E4F1: variants seen among roughly 807,000 people sequenced by gnomAD.
E4F1 encodes the protein transcription factor E4F1.
A neutral mutation model predicts 72.9 loss-of-function variants in E4F1; 30 were observed. That is an observed-to-expected ratio of 0.41 (90% confidence interval 0.31 to 0.56). The LOEUF is 0.56. Ranked by LOEUF, E4F1 falls within the 20% of genes least tolerant of loss-of-function variation. The pLI is 0.25. For synonymous variants in E4F1, 542 were observed against 478.2 expected (o/e 1.13, Z -1.74); for missense variants, 1,091 against 1,117.5 (o/e 0.98, Z 0.34).
In E4F1 at chr16:2,232,480, G is replaced by T. The variant is rs148570427; in HGVS notation, c.634G>T (p.Val212Phe). The stretch of plus-strand genomic sequence containing the variant: ...GGGCAGCATCCTCAAGGCCCACATG[G>T]TCACTCACAGCAGCCGCAAGGACCA... ...KTGSILKAHMVTHSSRKDHEC... is the reference protein window; with the variant it reads ...KTGSILKAHMFTHSSRKDHEC... The change falls in exon 5 of 14, where the codon GTC becomes TTC. Residue 212 changes from valine to phenylalanine, a missense_variant. Transcript: ENST00000301727. 29 of 1,610,952 alleles carry T rather than the reference G, an allele frequency of 1.8e-5. No individual in the cohort carries two copies. The highest frequency in any genetic ancestry group is 2.5e-5 in the Non-Finnish European group (29 of 1,179,276).
Position 2,235,654 on chromosome 16 carries a change from G to C in E4F1, c.*82G>C. 7.8e-7 allele frequency: 1 copy of C among 1,279,724 alleles called. No homozygotes were observed. Among genetic ancestry groups the C allele is most frequent in the Non-Finnish European group, 1.1e-6 (1 of 942,968 alleles). 79.3% of individuals were successfully genotyped at this position (1,279,724 alleles called of 1,614,324 possible). On this transcript the variant is annotated 3_prime_UTR_variant, in exon 14 of 14. Transcript: ENST00000301727. Reference sequence around the variant, plus strand: ...CCACCCATGCCTGCCTGGCCTGGTAGAGAAGATGGCACAGGATGGAGGCGC... The same window carrying C: ...CCACCCATGCCTGCCTGGCCTGGTACAGAAGATGGCACAGGATGGAGGCGC...
rs2093455069 is a variant in E4F1 at position 2,229,691 on chromosome 16, T to G, written c.415+16T>G. 1 of 1,611,784 alleles carries G rather than the reference T, an allele frequency of 6.2e-7. No individual in the cohort carries two copies. Among genetic ancestry groups the G allele is most frequent in the African/African-American group, 1.3e-5 (1 of 74,928 alleles). ...GACCTTGTTGGTAAGCCGACTTCCA[T>G]GAATCGCTGGCCTGATAGACCTTCG... On this transcript the variant is annotated intron_variant, in intron 3 of 13. Transcript: ENST00000301727.
At position 2,230,069 on chromosome 16, in the gene E4F1, G is replaced by A. The variant is rs1294992726; in HGVS notation, c.415+394G>A. 1.5e-5 allele frequency: 4 copies of A among 268,650 alleles called. No homozygotes were observed. In the Admixed American group the frequency reaches 1.7e-4, roughly 11 times the overall value. The allele number at this position is 268,650 out of a possible 1,614,324, so 16.6% of individuals were successfully genotyped here. ...CAGAATGGCCCACTCGCCCAGCAGC[G>A]GCTCTGGAGGGTGGGTACAGGGTGG... On this transcript the variant is annotated intron_variant, in intron 3 of 13. Transcript: ENST00000301727.
intron 3 of E4F1, chr16:2,231,962 G>A: frequency 1.6e-6 from 1 of 613,188 alleles, no homozygotes; most frequent in African/African-American, 1.9e-5. Flanking sequence ...CAGCCTGACA[G>A]AGTCGGGAGG....
Position 2,233,619 on chromosome 16 carries a change from C to T in E4F1, c.1238C>T (p.Pro413Leu), listed in dbSNP as rs1373282010. ...CTGGCAGTGGCAGCCCCGCAGCTGCCGGTACTGGAAGTGCAGCCGCTGGAG... is the reference window on the plus strand; with the variant it reads ...CTGGCAGTGGCAGCCCCGCAGCTGCTGGTACTGGAAGTGCAGCCGCTGGAG... ...QPLAVAAPQL[P>L]VLEVQPLETQ... Residue 413 changes from proline to leucine, a missense_variant, in exon 8 of 14, where the codon CCG becomes CTG. This residue lies in a region of E4F1 where 622 missense variants were observed against 628.0 expected (regional missense o/e 0.99). Transcript: ENST00000301727. 6 of 1,515,494 alleles carry T rather than the reference C, an allele frequency of 4.0e-6. No individual in the cohort carries two copies. The highest frequency in any genetic ancestry group is 5.3e-6 in the Non-Finnish European group (6 of 1,130,816). The allele number at this position is 1,515,494 out of a possible 1,614,324, so 93.9% of individuals were successfully genotyped here. A position where few individuals can be genotyped will look rare whatever the true frequency, so the allele number is the denominator to read the frequency against.
Position 2,232,179 on chromosome 16 carries a change from C to T in E4F1, c.424C>T (p.His142Tyr). The stretch of plus-strand genomic sequence containing the variant: ...CCAGATGCTTCTCCTAGGTGGTGGG[C>T]ACATCAAAGAGGTCATCGTGGCTGC... The part of the protein sequence containing the change: ...SHASDLVGGG[H>Y]IKEVIVAAEA... Residue 142 changes from histidine (H) to tyrosine (Y), a missense_variant, in exon 4 of 14, where the codon CAC becomes TAC. By Grantham distance (83) the His-to-Tyr change is moderately conservative (BLOSUM62 2). This residue lies in a region of E4F1 where 362 missense variants were observed against 358.6 expected (regional missense o/e 1.01). Coordinates refer to ENST00000301727, the MANE Select transcript of E4F1 (RefSeq NM_004424.5). 6.2e-7 allele frequency: 1 copy of T among 1,611,228 alleles called. No individual in the cohort carries two copies. The highest frequency in any genetic ancestry group is 8.5e-7 in the Non-Finnish European group (1 of 1,179,890).
At chr16:2,234,078 ACAG>A in intron 9 of E4F1, 88 bp downstream of exon 9, 1 of 1,550,058 alleles carries the variant, frequency 6.5e-7, no homozygotes, top group Non-Finnish European at 8.7e-7. Flanking sequence ...GGGTCCATAG[ACAG>A]CAGGGAGCCA....
chr16:2,234,931 C>A lies in E4F1; in HGVS notation c.1865C>A (p.Thr622Lys). The change falls in exon 12 of 14, where the codon ACG (threonine) becomes AAG (lysine). Residue 622 changes from threonine (T) to lysine (K), a missense_variant. Around this residue, in one of 5 missense-constraint regions of E4F1, gnomAD observed 622 missense variants for 628.0 expected, o/e 0.99. Coordinates refer to ENST00000301727, the MANE Select transcript of E4F1 (RefSeq NM_004424.5). Reference protein sequence around the residue: ...DSPAAATTVLTEDPHTVLVEF... With the variant: ...DSPAAATTVLKEDPHTVLVEF... ...CCCGCGGCAGCCACCACCGTCCTCA[C>A]GGAAGACCCGCACACAGTGTTGGTG... 1 of 1,566,478 alleles carries A rather than the reference C, an allele frequency of 6.4e-7. No homozygotes were observed. Among genetic ancestry groups the A allele is most frequent in the Non-Finnish European group, 8.7e-7 (1 of 1,155,474 alleles).
chr16:2,232,271 G>T lies in E4F1; in HGVS notation c.516G>T (p.Gly172=). ...APGSPRQQGL[G]LAGEGEQAQV... is the part of the protein sequence containing the mutation. ...GCAGCCCCCGCCAGCAGGGGCTGGGGCTCGCAGGGGAGGGTGAGCAGGCCC... is the reference window on the plus strand; with the variant it reads ...GCAGCCCCCGCCAGCAGGGGCTGGGTCTCGCAGGGGAGGGTGAGCAGGCCC... Residue 172 remains glycine (G), a synonymous_variant, in exon 4 of 14, where the codon GGG becomes GGT. Transcript: ENST00000301727. 2.5e-6 allele frequency: 4 copies of T among 1,612,364 alleles called. No homozygotes were observed. The highest frequency in any genetic ancestry group is 3.4e-6 in the Non-Finnish European group (4 of 1,179,578).
Position 2,232,552 on chromosome 16 carries a change from A to C in E4F1, c.706A>C (p.Ile236Leu), listed in dbSNP as rs750945693. 1 of 1,612,160 alleles carries C rather than the reference A, an allele frequency of 6.2e-7. No individual in the cohort carries two copies. Among genetic ancestry groups the C allele is most frequent in the Non-Finnish European group, 8.5e-7 (1 of 1,179,734 alleles). The change falls in exon 5 of 14, where the codon ATC (isoleucine) becomes CTC (leucine). Residue 236 changes from isoleucine to leucine, a missense_variant. Ile to Leu is a conservative substitution (Grantham distance 5). Coordinates refer to ENST00000301727, the MANE Select transcript of E4F1 (RefSeq NM_004424.5). The stretch of plus-strand genomic sequence containing the variant: ...CTCCTTCCGCACCAAGGGCTCACTC[A>C]TCCGGCACCACCGGCGGCACACGGG... ...GASFRTKGSL[I>L]RHHRRHTDER...
chr16:2,234,837 C>T (rs1275497059), intron 11 of E4F1, 22 bp from the exon 12 acceptor site: 24 of 1,547,770 alleles, frequency 1.6e-5, no homozygotes, highest in Non-Finnish European at 2.0e-5. Flanking sequence ...TTGCCTAGCC[C>T]TGACCGAGTC....
chr16:2,226,113 G>A lies in E4F1; in HGVS notation c.158-2259G>A, dbSNP rs1416430939. Among the ~76,000 whole-genome samples, 5 of 152,034 alleles carry A rather than the reference G, an allele frequency of 3.3e-5. No homozygotes were observed. The South Asian group carries it at 1.0e-3, about 32-fold the overall frequency. On this transcript the variant is annotated intron_variant, in intron 1 of 13. Transcript: ENST00000301727. Reference sequence around the variant, plus strand: ...GCCTTGAAAGAAAAAAAAAAAAGATGCAGATTGGGTCAGACAGGAAGGGAG... The same window carrying A: ...GCCTTGAAAGAAAAAAAAAAAAGATACAGATTGGGTCAGACAGGAAGGGAG...
In E4F1 at chr16:2,233,963, C is replaced by G; in HGVS notation, c.1348C>G (p.Leu450Val). The G allele has an allele frequency of 1.3e-6, 2 of 1,598,644 alleles. No homozygotes were observed. The highest frequency in any genetic ancestry group is 1.3e-5 in the African/African-American group (1 of 74,726). The change falls in exon 9 of 14, where the codon CTG (leucine) becomes GTG (valine). Residue 450 changes from leucine to valine, a missense_variant. Coordinates refer to ENST00000301727, the MANE Select transcript of E4F1 (RefSeq NM_004424.5). Reference protein sequence around the residue: ...CSETFPTAATLEAHKRGHTGP... With the variant: ...CSETFPTAATVEAHKRGHTGP... ...TGAGACCTTCCCGACAGCAGCCACC[C>G]TGGAGGCCCACAAGAGGGGCCACAC...
At chr16:2,224,071 T>G (rs1596749081) in intron 1 of E4F1, 3 of 1,017,356 alleles carry the variant, frequency 2.9e-6, no homozygotes, top group Non-Finnish European at 4.0e-6. Flanking sequence ...CCGGCCCTTC[T>G]CTGCCTCCGA....
In E4F1 at chr16:2,234,181, G is replaced by T; in HGVS notation, c.1386G>T (p.Pro462=). 1 of 1,611,776 alleles carries T rather than the reference G, an allele frequency of 6.2e-7. No homozygotes were observed. Among genetic ancestry groups the T allele is most frequent in the Non-Finnish European group, 8.5e-7 (1 of 1,179,680 alleles). The change falls in exon 10 of 14, where the codon CCG becomes CCT. Residue 462 remains proline, a synonymous_variant. Transcript: ENST00000301727. ...TGTGTGTGGCTGCAGGGCCGAGGCCGTTCGCCTGCGCGCAGTGTGGCAAGG... is the reference window on the plus strand; with the variant it reads ...TGTGTGTGGCTGCAGGGCCGAGGCCTTTCGCCTGCGCGCAGTGTGGCAAGG... ...AHKRGHTGPR[P]FACAQCGKAF...
rs2093445635 is a variant in E4F1 at position 2,228,472 on chromosome 16, T to C, written c.258T>C (p.Pro86=). 7.4e-6 allele frequency: 12 copies of C among 1,613,040 alleles called. No individual in the cohort carries two copies. The highest frequency in any genetic ancestry group is 1.0e-5 in the Non-Finnish European group (12 of 1,179,952). Residue 86 remains proline (P), a synonymous_variant, in exon 2 of 14, where the codon CCT becomes CCC. Transcript: ENST00000301727. The stretch of plus-strand genomic sequence containing the variant: ...TTCAGAAGGCCTGCCAGCGGGCCCC[T>C]CCGGAGGCCCTGCCTGCCACCCCTG... The part of the protein sequence containing the change: ...HKIQKACQRA[P]PEALPATPAT...
At chr16:2,224,843 C>G (rs995339809) in intron 1 of E4F1, among the ~76,000 whole-genome samples, 1 of 152,066 alleles carries the variant, frequency 6.6e-6, no homozygotes, top group African/African-American at 2.4e-5. Context: ...TGGATTGGAT[C>G]TCAGCACTGT....
In E4F1 at chr16:2,228,506, G is replaced by C. The variant is rs1273165840; in HGVS notation, c.292G>C (p.Ala98Pro). The C allele has an allele frequency of 1.2e-6, 2 of 1,612,796 alleles. No individual in the cohort carries two copies. Among genetic ancestry groups the C allele is most frequent in the Non-Finnish European group, 1.7e-6 (2 of 1,179,794 alleles). The part of the protein sequence containing the change: ...EALPATPATT[A>P]LLGQEVVPAA... ...CCTGCCTGCCACCCCTGCCACCACA[G>C]CGTTGCTGGGCCAGGAGGTGAGCCC... The change falls in exon 2 of 14, where the codon GCG becomes CCG. Residue 98 changes from alanine to proline, a missense_variant. Ala to Pro is a conservative substitution (Grantham distance 27). Transcript: ENST00000301727.
At position 2,234,181 on chromosome 16, in the gene E4F1, G is replaced by A. The variant is rs1327688952; in HGVS notation, c.1386G>A (p.Pro462=). 26 of 1,611,660 alleles carry A rather than the reference G, an allele frequency of 1.6e-5. No homozygotes were observed. Among genetic ancestry groups the A allele is most frequent in the Non-Finnish European group, 1.9e-5 (23 of 1,179,688 alleles). ...TGTGTGTGGCTGCAGGGCCGAGGCCGTTCGCCTGCGCGCAGTGTGGCAAGG... is the reference window on the plus strand; with the variant it reads ...TGTGTGTGGCTGCAGGGCCGAGGCCATTCGCCTGCGCGCAGTGTGGCAAGG... ...AHKRGHTGPR[P]FACAQCGKAF... is the part of the protein sequence containing the mutation. Residue 462 remains proline, a synonymous_variant, in exon 10 of 14, where the codon CCG becomes CCA. Coordinates refer to ENST00000301727, the MANE Select transcript of E4F1 (RefSeq NM_004424.5).
Sources: allele counts gnomAD v4.1 joint callset (sites outside exome capture counted in the v4.1 genomes callset), GRCh38; gene constraint gnomAD v4.1.1; regional missense constraint gnomAD v4.1.1; transcripts MANE v1.5; gene names NCBI Gene and HGNC (gene_info 2026-07-23, HGNC 2026-07-21).